GPAT3: variants seen among roughly 807,000 people sequenced by gnomAD.
The protein encoded by GPAT3 is 1-AGP acyltransferase 9.
Under a neutral mutation model 58.8 loss-of-function variants are expected in GPAT3, and 53 were observed. That is an observed-to-expected ratio of 0.90 (90% CI 0.72 to 1.13). The LOEUF (loss-of-function observed/expected upper bound fraction) is 1.13, where lower values mean the gene tolerates loss of function less well. Ranked by LOEUF, GPAT3 falls within the 50% of genes most tolerant of loss-of-function variation. The pLI, the probability that GPAT3 is intolerant of heterozygous loss-of-function variation, is 0.00. For synonymous variants in GPAT3, 197 were observed against 187.4 expected, an observed-to-expected ratio of 1.05 and a Z score of -0.42; for missense variants, 511 against 527.6, an observed-to-expected ratio of 0.97 and a Z score of 0.31.
chr4:83,597,582 G>C (rs1578200337), intron 9 of GPAT3, 67 bp downstream of exon 9: 1 of 1,205,874 alleles, frequency 8.3e-7, no homozygotes, highest in East Asian at 2.8e-5. Flanking sequence ...TTTTATTTTG[G>C]TAGCATTTCA....
chr4:83,561,944 A>G (rs944953586), intron 2 of GPAT3, among the ~76,000 whole-genome samples: 2 of 151,402 alleles, frequency 1.3e-5, no homozygotes, highest in Non-Finnish European at 2.9e-5. Context: ...GTTTGATATA[A>G]TTGGTCATTT....
At chr4:83,581,887 A>G (rs914826883) in intron 3 of GPAT3, 55 bp downstream of exon 3, 11 of 1,554,224 alleles carry the variant, frequency 7.1e-6, no homozygotes, top group African/African-American at 1.4e-5. Context: ...TTCTTTTTGA[A>G]TCATGTACAT....
At chr4:83,547,591 T>G (rs1724592802) in intron 2 of GPAT3, among the ~76,000 whole-genome samples, 1 of 152,028 alleles carries the variant, frequency 6.6e-6, no homozygotes, top group African/African-American at 2.4e-5. Context: ...TTTTTTTTTT[T>G]GAAATGCATT....
chr4:83,586,479 G>T (rs1726379530), intron 3 of GPAT3, among the ~76,000 whole-genome samples: 1 of 152,178 alleles, frequency 6.6e-6, no homozygotes. Flanking sequence ...GGTTTGATTT[G>T]AGAGAGTAAT....
intron 2 of GPAT3, among the ~76,000 whole-genome samples, chr4:83,566,374 C>A (rs1725382765): frequency 6.6e-6 from 1 of 151,312 alleles, no homozygotes; most frequent in Non-Finnish European, 1.5e-5. Context: ...AATAGTTGTT[C>A]TTATTGCTTT....
chr4:83,595,925 AAGTT>A (rs1355288092), intron 7 of GPAT3, among the ~76,000 whole-genome samples: 1 of 152,198 alleles, frequency 6.6e-6, no homozygotes, highest in Non-Finnish European at 1.5e-5. Flanking sequence ...AATCTGCTTC[AAGTT>A]AGAAAAACGA....
intron 2 of GPAT3, among the ~76,000 whole-genome samples, chr4:83,547,388 G>A (rs1370040468): frequency 6.6e-6 from 1 of 151,380 alleles, no homozygotes; most frequent in African/African-American, 2.4e-5. Context: ...GAGTAGCTGG[G>A]ACTACAGGTG....
At chr4:83,586,515 T>C (rs1278462470) in intron 3 of GPAT3, among the ~76,000 whole-genome samples, 4 of 152,244 alleles carry the variant, frequency 2.6e-5, no homozygotes, top group Non-Finnish European at 2.9e-5. Flanking sequence ...TTCTGCTTTC[T>C]CCATTTGACA....
intron 2 of GPAT3, among the ~76,000 whole-genome samples, chr4:83,578,592 C>T (rs1354402579): frequency 6.6e-6 from 1 of 152,152 alleles, no homozygotes; most frequent in African/African-American, 2.4e-5. Flanking sequence ...GTATTTCATT[C>T]AGAAATTTGC....
chr4:83,588,123 G>GT (rs1376545268), intron 4 of GPAT3, 87 bp from the exon 5 acceptor site: 2 of 1,114,478 alleles, frequency 1.8e-6, no homozygotes, highest in Non-Finnish European at 2.7e-6. Flanking sequence ...GTGGTATGCT[G>GT]TTGTGAAAAA....
chr4:83,551,373 T>C (rs1251474889), intron 2 of GPAT3, among the ~76,000 whole-genome samples: 1 of 152,166 alleles, frequency 6.6e-6, no homozygotes, highest in Non-Finnish European at 1.5e-5. Context: ...GAATATATAA[T>C]ATATGCATGG....
chr4:83,603,263 C>A (rs1727127586), intron 11 of GPAT3, among the ~76,000 whole-genome samples: 1 of 152,194 alleles, frequency 6.6e-6, no homozygotes, highest in South Asian at 2.1e-4. Flanking sequence ...CTCCCAGCAA[C>A]TCCAGTTTGT....
chr4:83,559,778 A>T (rs1179653594), intron 2 of GPAT3, among the ~76,000 whole-genome samples: 2 of 152,164 alleles, frequency 1.3e-5, no homozygotes, highest in Non-Finnish European at 2.9e-5. Flanking sequence ...GGACCCATGC[A>T]TTCTCACATG....
chr4:83,581,544 C>T lies in GPAT3; in HGVS notation c.209-18C>T. ...CTGTCGTATGGCATTTTCTCATGTC[C>T]TGATGCTTTCTTTTAAGGTATTATC... On this transcript the variant is annotated intron_variant, in intron 2 of 11. Coordinates refer to ENST00000264409, the MANE Select transcript of GPAT3 (RefSeq NM_032717.5). The T allele has an allele frequency of 6.2e-7, 1 of 1,607,708 alleles. No homozygotes were observed. The highest frequency in any genetic ancestry group is 1.7e-4 in the Middle Eastern group (1 of 6,026).
intron 1 of GPAT3, among the ~76,000 whole-genome samples, chr4:83,541,873 C>T (rs1257199395): frequency 7.9e-5 from 12 of 152,236 alleles, no homozygotes; most frequent in Admixed American, 3.3e-4. Flanking sequence ...AGTATCCTCA[C>T]GTGGCCCTTT....
chr4:83,597,306 G>A lies in GPAT3; in HGVS notation c.911-124G>A, dbSNP rs1578200062. The A allele has an allele frequency of 1.9e-5, 10 of 539,130 alleles. 1 individual carries two copies. Among genetic ancestry groups the A allele is most frequent in the African/African-American group, 1.2e-4 (6 of 50,722 alleles). The allele number at this position is 539,130 out of a possible 1,614,324, so 33.4% of individuals were successfully genotyped here. Reference sequence around the variant, plus strand: ...TTGGCAGGGGTTCGTTTGTGATATGGTAGTACGATGCCTGTAATTTTGATA... The same window carrying A: ...TTGGCAGGGGTTCGTTTGTGATATGATAGTACGATGCCTGTAATTTTGATA... On this transcript the variant is annotated intron_variant, in intron 8 of 11. Coordinates refer to ENST00000264409, the MANE Select transcript of GPAT3 (RefSeq NM_032717.5).
At chr4:83,599,694 C>T (rs1726983825) in intron 11 of GPAT3, among the ~76,000 whole-genome samples, 1 of 152,094 alleles carries the variant, frequency 6.6e-6, no homozygotes, top group Non-Finnish European at 1.5e-5. Context: ...TTATGGATCA[C>T]TATGGCTTTA....
At chr4:83,558,328 T>C (rs1725012528) in intron 2 of GPAT3, among the ~76,000 whole-genome samples, 1 of 151,884 alleles carries the variant, frequency 6.6e-6, no homozygotes, top group Admixed American at 6.6e-5. Context: ...TTAAAAAAAC[T>C]GGGCTGGGTT....
At position 83,545,757 on chromosome 4, in the gene GPAT3, C is replaced by T. The variant is rs554437611; in HGVS notation, c.208+1155C>T. ...AGATACCTTCTCTGAAATATAGCAG[C>T]TCTATCATTTAAAAAAATTATTCTG... On this transcript the variant is annotated intron_variant, in intron 2 of 11. Transcript: ENST00000264409. Among the ~76,000 whole-genome samples the T allele has an allele frequency of 9.2e-5, 14 of 151,942 alleles. No individual in the cohort carries two copies. The South Asian group carries it at 1.2e-3, about 14-fold the overall frequency.
Sources: gnomAD v4.1 joint callset for allele counts (sites outside exome capture counted in the v4.1 genomes callset) on GRCh38, gnomAD v4.1.1 for gene constraint, MANE v1.5 for transcripts, NCBI Gene and HGNC (gene_info 2026-07-23, HGNC 2026-07-21) for gene names.